The following USO1 variants were observed in gnomAD, a reference collection of about 807,000 sequenced individuals.
USO1 encodes general vesicular transport factor p115.
In USO1, 57 loss-of-function variants were observed where a neutral mutation model predicts 124.5. That is an observed-to-expected ratio of 0.46 (90% CI 0.37 to 0.57). The LOEUF is 0.57. Ranked by LOEUF, USO1 falls within the 20% of genes least tolerant of loss-of-function variation. The probability of loss-of-function intolerance (pLI) is 0.00; values close to 1 mark genes in which losing one functional copy is unlikely to be tolerated. For synonymous variants in USO1, 369 were observed against 362.8 expected (o/e 1.02, Z -0.19); for missense variants, 900 against 1,040.6 (o/e 0.86, Z 1.86).
chr4:75,730,584 C>T (rs1351833610), intron 1 of USO1, among the ~76,000 whole-genome samples: 1 of 151,870 alleles, frequency 6.6e-6, no homozygotes, highest in Admixed American at 6.6e-5. Flanking sequence ...AAACATTACT[C>T]TTGAATCTGA....
chr4:75,765,036 ACT>A (rs1446675756), intron 4 of USO1, among the ~76,000 whole-genome samples: 1 of 152,156 alleles, frequency 6.6e-6, no homozygotes, highest in Non-Finnish European at 1.5e-5. Context: ...TCTTCACACC[ACT>A]GAGATAAAAA....
At chr4:75,785,627 G>A (rs1450024978) in intron 9 of USO1, among the ~76,000 whole-genome samples, 2 of 151,878 alleles carry the variant, frequency 1.3e-5, no homozygotes, top group East Asian at 1.9e-4. Flanking sequence ...TTTACATGTT[G>A]CTATTAGATC....
In USO1 at chr4:75,805,201, A is replaced by G; in HGVS notation, c.2187A>G (p.Pro729=). 1.2e-6 allele frequency: 2 copies of G among 1,613,398 alleles called. No individual in the cohort carries two copies. The highest frequency in any genetic ancestry group is 1.7e-6 in the Non-Finnish European group (2 of 1,179,590). ...GGGCTCAGATGAATGGCATTCAGCC[A>G]GAAGAAATTGGTAGATTGCGAGAAG... The part of the protein sequence containing the change: ...SEGAQMNGIQ[P]EEIGRLREEI... The change falls in exon 19 of 24, where the codon CCA becomes CCG. Residue 729 remains proline (P), a synonymous_variant. Coordinates refer to ENST00000514213, the MANE Select transcript of USO1 (RefSeq NM_003715.4).
intron 3 of USO1, among the ~76,000 whole-genome samples, chr4:75,754,240 T>G (rs1266067242): frequency 6.6e-6 from 1 of 152,150 alleles, no homozygotes; most frequent in East Asian, 1.9e-4. Context: ...TGCGCCACCA[T>G]GCCTGGCTAA....
At chr4:75,785,221 C>T (rs1001297859) in intron 9 of USO1, among the ~76,000 whole-genome samples, 1 of 152,186 alleles carries the variant, frequency 6.6e-6, no homozygotes, top group Non-Finnish European at 1.5e-5. Flanking sequence ...AACTATTCAT[C>T]ATCACAGTTA....
At chr4:75,728,902 C>A (rs193284394) in intron 1 of USO1, among the ~76,000 whole-genome samples, 3 of 151,520 alleles carry the variant, frequency 2.0e-5, no homozygotes, top group African/African-American at 7.3e-5. Flanking sequence ...GGGTTCACGC[C>A]ATTCTTCTGC....
At chr4:75,771,202 CT>C in intron 7 of USO1, 65 bp downstream of exon 7, 1 of 1,501,838 alleles carries the variant, frequency 6.7e-7, no homozygotes, top group South Asian at 1.3e-5. Flanking sequence ...AAATGAAATC[CT>C]TGTTGTTGAG....
chr4:75,812,174 T>G lies in USO1; in HGVS notation c.2598T>G (p.Ala866=). Residue 866 remains alanine (A), a synonymous_variant, in exon 23 of 24, where the codon GCT becomes GCG. Coordinates refer to ENST00000514213, the MANE Select transcript of USO1 (RefSeq NM_003715.4). ...ETKELKNEIK[A]LSEERTAIKE... is the part of the protein sequence containing the mutation. Reference sequence around the variant, plus strand: ...TCTTTTCCTAGAATGAAATTAAAGCTCTGTCTGAGGAAAGAACTGCCATTA... The same window carrying G: ...TCTTTTCCTAGAATGAAATTAAAGCGCTGTCTGAGGAAAGAACTGCCATTA... The G allele has an allele frequency of 6.2e-7, 1 of 1,604,060 alleles. No individual in the cohort carries two copies. Among genetic ancestry groups the G allele is most frequent in the Admixed American group, 1.7e-5 (1 of 58,538 alleles).
At chr4:75,804,018 G>C in intron 17 of USO1, 116 bp from the exon 18 acceptor site, 2 of 1,321,008 alleles carry the variant, frequency 1.5e-6, no homozygotes, top group Non-Finnish European at 1.0e-6. Flanking sequence ...GATTTTGGAA[G>C]TGTTAAGCAC....
intron 20 of USO1, among the ~76,000 whole-genome samples, chr4:75,807,210 A>G (rs1212182764): frequency 6.6e-6 from 1 of 152,120 alleles, no homozygotes; most frequent in Non-Finnish European, 1.5e-5. Context: ...AGAGAAATGA[A>G]CTCTGTATAC....
At chr4:75,726,694 T>A (rs1214532895) in intron 1 of USO1, among the ~76,000 whole-genome samples, 1 of 152,218 alleles carries the variant, frequency 6.6e-6, no homozygotes, top group Non-Finnish European at 1.5e-5. Flanking sequence ...ACGCACACAT[T>A]TGGCTTCACT....
chr4:75,803,912 T>G (rs1434102936), intron 17 of USO1, among the ~76,000 whole-genome samples: 1 of 152,174 alleles, frequency 6.6e-6, no homozygotes, highest in Admixed American at 6.5e-5. Context: ...GCCATGATGT[T>G]TATTAATGGA....
chr4:75,726,685 C>T (rs1289738999), intron 1 of USO1, among the ~76,000 whole-genome samples: 2 of 152,190 alleles, frequency 1.3e-5, no homozygotes, highest in African/African-American at 2.4e-5. Context: ...CTGTAACACA[C>T]GCACACATTT....
At chr4:75,804,083 A>G (rs532300345) in intron 17 of USO1, 51 bp from the exon 18 acceptor site, 254 of 1,578,210 alleles carry the variant, frequency 1.6e-4, no homozygotes, top group Non-Finnish European at 1.4e-4. Context: ...TCACCTTCTT[A>G]ATGCTAACGA....
chr4:75,733,285 A>G (rs1243021624), intron 1 of USO1, among the ~76,000 whole-genome samples: 2 of 151,976 alleles, frequency 1.3e-5, no homozygotes, highest in Admixed American at 1.3e-4. Flanking sequence ...AAAATAAATT[A>G]AGTCTGTATT....
chr4:75,801,275 G>T lies in USO1; in HGVS notation c.1986+75G>T, dbSNP rs1055788867. ...CTGCTTTAAGGGAGCCTTTTTTTCT[G>T]ACATTTCAAATGAAAGAGGATATAG... On this transcript the variant is annotated intron_variant, in intron 17 of 23. Transcript: ENST00000514213. The T allele has an allele frequency of 4.2e-6, 6 of 1,424,328 alleles. No individual in the cohort carries two copies. The African/African-American group carries it at 4.4e-5, about 10-fold the overall frequency. The allele number at this position is 1,424,328 out of a possible 1,614,324, so 88.2% of individuals were successfully genotyped here. A position where few individuals can be genotyped will look rare whatever the true frequency, so the allele number is the denominator to read the frequency against.
intron 1 of USO1, among the ~76,000 whole-genome samples, chr4:75,731,014 C>T (rs974716763): frequency 2.6e-5 from 4 of 152,046 alleles, no homozygotes; most frequent in Non-Finnish European, 5.9e-5. Context: ...TTGCTTAAAA[C>T]GATGTCCTTT....
Position 75,794,355 on chromosome 4 carries a change from C to G in USO1, c.1452+454C>G, listed in dbSNP as rs181874131. Among the ~76,000 whole-genome samples, 3 of 152,168 alleles carry G rather than the reference C, an allele frequency of 2.0e-5. No individual in the cohort carries two copies. The East Asian group carries it at 5.8e-4, about 29-fold the overall frequency. On this transcript the variant is annotated intron_variant, in intron 13 of 23. Coordinates refer to ENST00000514213, the MANE Select transcript of USO1 (RefSeq NM_003715.4). ...TATATATAGTTATACAGTATATCCC[C>G]TTGAAGTTTGTGAGTTCTTCAATCC...
chr4:75,762,494 C>A (rs1381826948), intron 4 of USO1, among the ~76,000 whole-genome samples: 1 of 148,338 alleles, frequency 6.7e-6, no homozygotes, highest in African/African-American at 2.5e-5. Flanking sequence ...TTTTTCCTTC[C>A]TTTTTTTTTT....
Sources: allele counts gnomAD v4.1 joint callset (sites outside exome capture counted in the v4.1 genomes callset), GRCh38; gene constraint gnomAD v4.1.1; transcripts MANE v1.5; gene names NCBI Gene and HGNC (gene_info 2026-07-23, HGNC 2026-07-21).